The following CTH variants were observed in gnomAD, a reference collection of about 807,000 sequenced individuals.
The protein encoded by CTH is cystathionase (cystathionine gamma-lyase).
A neutral mutation model predicts 50.6 loss-of-function variants in CTH; 41 were observed. That is an observed-to-expected ratio of 0.81 (90% CI 0.63 to 1.05). The LOEUF (loss-of-function observed/expected upper bound fraction) is 1.05. Among genes scored for constraint, CTH ranks in the 50% least tolerant of loss-of-function variants. The probability of loss-of-function intolerance (pLI) is 0.00; values close to 1 mark genes in which losing one functional copy is unlikely to be tolerated. For synonymous variants in CTH, 156 were observed against 168.9 expected (o/e 0.92, Z 0.59); for missense variants, 470 against 492.6 (o/e 0.95, Z 0.43).
rs780878907 is a variant in CTH at position 70,430,381 on chromosome 1, T to C, written c.711T>C (p.Arg237=). ...GTGAAAGCCTTCATAATAGACTTCGTTTCTTGCAAAACTGTAAGTATTAAA... is the reference window on the plus strand; with the variant it reads ...GTGAAAGCCTTCATAATAGACTTCGCTTCTTGCAAAACTGTAAGTATTAAA... ...VNCESLHNRL[R]FLQNSLGAVP... is the part of the protein sequence containing the mutation. Residue 237 remains arginine, a synonymous_variant, in exon 7 of 12, where the codon CGT becomes CGC. Coordinates refer to ENST00000370938, the MANE Select transcript of CTH (RefSeq NM_001902.6). 4.5e-6 allele frequency: 7 copies of C among 1,571,162 alleles called. No individual in the cohort carries two copies. Among genetic ancestry groups the C allele is most frequent in the Non-Finnish European group, 6.1e-6 (7 of 1,140,948 alleles).
At chr1:70,435,322 T>A in intron 10 of CTH, 145 bp downstream of exon 10, 1 of 787,126 alleles carries the variant, frequency 1.3e-6, no homozygotes, top group Non-Finnish European at 2.0e-6. Context: ...TCTAACCCTG[T>A]CAAGATGGAG....
At chr1:70,427,928 G>C (rs1251530910) in intron 5 of CTH, among the ~76,000 whole-genome samples, 40 of 152,180 alleles carry the variant, frequency 2.6e-4, no homozygotes, top group Non-Finnish European at 5.3e-4. Flanking sequence ...GGCCAGGCTG[G>C]TCTCAAACTC....
intron 1 of CTH, among the ~76,000 whole-genome samples, chr1:70,412,752 A>G (rs1425844025): frequency 6.6e-6 from 1 of 152,250 alleles, no homozygotes; most frequent in Non-Finnish European, 1.5e-5. Flanking sequence ...TAATAATAGT[A>G]TCTACCACAT....
intron 7 of CTH, among the ~76,000 whole-genome samples, chr1:70,431,823 C>T (rs2101752981): frequency 6.6e-6 from 1 of 152,296 alleles, no homozygotes; most frequent in South Asian, 2.1e-4. Context: ...TACTTATCTT[C>T]ATATTTGAGA....
chr1:70,428,587 C>A (rs1177747619), intron 5 of CTH, among the ~76,000 whole-genome samples: 3 of 118,856 alleles, frequency 2.5e-5, no homozygotes, highest in African/African-American at 9.9e-5. Context: ...TTAATTCTCC[C>A]AGTTTCAGAC....
chr1:70,438,672 T>A lies in CTH; in HGVS notation c.1053-16T>A. 6.2e-7 allele frequency: 1 copy of A among 1,614,030 alleles called. No homozygotes were observed. Among genetic ancestry groups the A allele is most frequent in the Non-Finnish European group, 8.5e-7 (1 of 1,179,950 alleles). On this transcript the variant is annotated splice_polypyrimidine_tract_variant and intron_variant, in intron 10 of 11. Coordinates refer to ENST00000370938, the MANE Select transcript of CTH (RefSeq NM_001902.6). The stretch of plus-strand genomic sequence containing the variant: ...CACAATATAGTGATCAAAAATTTGC[T>A]CATGTCTTCTTTCAGGGCAATCATG...
rs1450625281 is a variant in CTH at position 70,411,486 on chromosome 1, A to T, written c.71A>T (p.His24Leu). Residue 24 changes from histidine (H) to leucine (L), a missense_variant, in exon 1 of 12, where the codon CAT (histidine) becomes CTT (leucine). His to Leu is a moderately conservative substitution (Grantham distance 99, BLOSUM62 -3). Coordinates refer to ENST00000370938, the MANE Select transcript of CTH (RefSeq NM_001902.6). The stretch of plus-strand genomic sequence containing the variant: ...CAACATTTCGCCACGCAGGCGATCC[A>T]TGTGGGCCAGGATCCAGAGCAATGG... ...HFQHFATQAI[H>L]VGQDPEQWTS... 4.3e-6 allele frequency: 7 copies of T among 1,614,040 alleles called. No homozygotes were observed. Among genetic ancestry groups the T allele is most frequent in the Non-Finnish European group, 5.9e-6 (7 of 1,179,976 alleles).
chr1:70,428,169 T>G (rs1178294869), intron 5 of CTH, among the ~76,000 whole-genome samples: 1 of 152,134 alleles, frequency 6.6e-6, no homozygotes, highest in Non-Finnish European at 1.5e-5. Context: ...ATGTGTGGAA[T>G]GTAAAAAATG....
intron 2 of CTH, among the ~76,000 whole-genome samples, chr1:70,417,125 T>C (rs2101730781): frequency 6.6e-6 from 1 of 152,322 alleles, no homozygotes; most frequent in Admixed American, 6.5e-5. Context: ...AAACTTTTTT[T>C]TTTAATGAAG....
chr1:70,428,827 G>GGGCT (rs1308502785), intron 5 of CTH, among the ~76,000 whole-genome samples: 1 of 151,976 alleles, frequency 6.6e-6, no homozygotes, highest in African/African-American at 2.4e-5. Flanking sequence ...TGGCCAGGCT[G>GGGCT]GGCTCAAACT....
In CTH at chr1:70,433,928, G is replaced by A. The variant is rs372080475; in HGVS notation, c.978G>A (p.Glu326=). The change falls in exon 9 of 12, where the codon GAG becomes GAA. Residue 326 remains glutamate (E), a synonymous_variant. Coordinates refer to ENST00000370938, the MANE Select transcript of CTH (RefSeq NM_001902.6). ...FYIKGTLQHA[E]IFLKNLKLFT... ...TTAAGGGCACTCTTCAGCATGCTGA[G>A]ATTTTCCTCAAGAACCTAAAGGTAA... 3.7e-6 allele frequency: 6 copies of A among 1,613,952 alleles called. No homozygotes were observed. The African/African-American group carries it at 4.0e-5, about 11-fold the overall frequency.
At chr1:70,423,428 G>A (rs562390164) in intron 4 of CTH, among the ~76,000 whole-genome samples, 1 of 151,466 alleles carries the variant, frequency 6.6e-6, no homozygotes, top group African/African-American at 2.4e-5. Flanking sequence ...ATAATTGGCC[G>A]AGCATGGTGG....
intron 3 of CTH, among the ~76,000 whole-genome samples, chr1:70,418,631 T>C (rs1031781393): frequency 6.6e-6 from 1 of 152,248 alleles, no homozygotes; most frequent in Non-Finnish European, 1.5e-5. Context: ...TATTCTGCTC[T>C]AGAGAAGATA....
chr1:70,429,918 A>G (rs1204119143), intron 6 of CTH, 67 bp downstream of exon 6: 1 of 1,118,770 alleles, frequency 8.9e-7, no homozygotes, highest in East Asian at 2.4e-5. Context: ...TTGGCTTTTG[A>G]TCCCTTTTCT....
intron 1 of CTH, among the ~76,000 whole-genome samples, chr1:70,414,401 A>G (rs1409759261): frequency 6.6e-6 from 1 of 151,450 alleles, no homozygotes; most frequent in Non-Finnish European, 1.5e-5. Context: ...AGTCCCAGCT[A>G]CTCTGGAAGC....
intron 5 of CTH, among the ~76,000 whole-genome samples, chr1:70,429,531 C>G (rs953975828): frequency 1.3e-5 from 2 of 152,138 alleles, no homozygotes; most frequent in African/African-American, 4.8e-5. Flanking sequence ...TTCAAGAGAC[C>G]AGTTGACCTG....
At chr1:70,422,763 C>T (rs1376573999) in intron 4 of CTH, among the ~76,000 whole-genome samples, 1 of 152,100 alleles carries the variant, frequency 6.6e-6, no homozygotes, top group Non-Finnish European at 1.5e-5. Flanking sequence ...AGGCGCCCAT[C>T]ACCATGCTCA....
chr1:70,438,448 A>G (rs1400235618), intron 10 of CTH, among the ~76,000 whole-genome samples: 1 of 152,222 alleles, frequency 6.6e-6, no homozygotes, highest in East Asian at 1.9e-4. Context: ...CAGTATTTGG[A>G]TTGAGCATAT....
rs889767971 is a variant in CTH at position 70,415,811 on chromosome 1, C to G, written c.169-145C>G. On this transcript the variant is annotated intron_variant, in intron 1 of 11. Transcript: ENST00000370938. ...GAGCATCTTGACTATAGCCACAGCACTGTTCTGCTTCTGTATTAAAGCAAG... is the reference window on the plus strand; with the variant it reads ...GAGCATCTTGACTATAGCCACAGCAGTGTTCTGCTTCTGTATTAAAGCAAG... 266 of 679,698 alleles carry G rather than the reference C, an allele frequency of 3.9e-4. 1 individual carries two copies. The highest frequency in any genetic ancestry group is 2.1e-4 in the Non-Finnish European group (76 of 367,420). The allele number at this position is 679,698 out of a possible 1,614,324, so 42.1% of individuals were successfully genotyped here.
Sources: allele counts gnomAD v4.1 joint callset (sites outside exome capture counted in the v4.1 genomes callset), GRCh38; gene constraint gnomAD v4.1.1; transcripts MANE v1.5; gene names NCBI Gene and HGNC (gene_info 2026-07-23, HGNC 2026-07-21).